ARID1A: variants seen among roughly 807,000 people sequenced by gnomAD.
The protein encoded by ARID1A is AT-rich interactive domain-containing protein 1A.
ARID1A carries 20 observed loss-of-function variants against 212.6 expected under a neutral mutation model. That is an observed-to-expected ratio of 0.09 (90% confidence interval 0.07 to 0.14). The LOEUF is 0.14. Among genes scored for constraint, ARID1A ranks in the 10% least tolerant of loss-of-function variants. The pLI is 1.00. For synonymous variants in ARID1A, 1,376 were observed against 1,222.1 expected, an observed-to-expected ratio of 1.13 and a Z score of -2.63; for missense variants, 2,587 against 3,059.0, an observed-to-expected ratio of 0.85 and a Z score of 3.64.
At chr1:26,748,666 A>G (rs2080858690) in intron 4 of ARID1A, among the ~76,000 whole-genome samples, 1 of 145,100 alleles carries the variant, frequency 6.9e-6, no homozygotes, top group Admixed American at 7.1e-5. Context: ...CCCTCAAAAC[A>G]CTTCATACAT....
At chr1:26,742,381 GTT>G (rs1198124483) in intron 4 of ARID1A, among the ~76,000 whole-genome samples, 2 of 152,168 alleles carry the variant, frequency 1.3e-5, no homozygotes, top group African/African-American at 2.4e-5. Flanking sequence ...GTTGACTAGA[GTT>G]TGGTTATTTG....
At chr1:26,755,663 G>GT (rs2080922100) in intron 4 of ARID1A, among the ~76,000 whole-genome samples, 1 of 152,052 alleles carries the variant, frequency 6.6e-6, no homozygotes, top group African/African-American at 2.4e-5. Context: ...GGTGAGCCTG[G>GT]TTTTTTAACT....
At chr1:26,727,786 GTC>G (rs1196238310) in intron 1 of ARID1A, 3 of 152,174 alleles carry the variant, frequency 2.0e-5, no homozygotes, top group Non-Finnish European at 4.4e-5. Flanking sequence ...CAACAAAATA[GTC>G]TCTCCAGTTG....
At chr1:26,702,711 C>T (rs1169158175) in intron 1 of ARID1A, among the ~76,000 whole-genome samples, 2 of 151,896 alleles carry the variant, frequency 1.3e-5, no homozygotes, top group Non-Finnish European at 2.9e-5. Flanking sequence ...TGCTGGGGGG[C>T]AGTGAGTGTG....
At position 26,779,769 on chromosome 1, in the gene ARID1A, C is replaced by T. The variant is rs761246391; in HGVS notation, c.5871C>T (p.Asp1957=). The change falls in exon 20 of 20, where the codon GAC becomes GAT. Residue 1957 remains aspartate, a synonymous_variant. Coordinates refer to ENST00000324856, the MANE Select transcript of ARID1A (RefSeq NM_006015.6). The stretch of plus-strand genomic sequence containing the variant: ...ACCGGAACATCAAGATCCTAGAGGA[C>T]GAACCCCACAGTAAGGATGAGACCC... ...QSHRNIKILE[D]EPHSKDETPL... is the part of the protein sequence containing the mutation. 20 of 1,614,004 alleles carry T rather than the reference C, an allele frequency of 1.2e-5. No homozygotes were observed. Among genetic ancestry groups the T allele is most frequent in the Non-Finnish European group, 1.5e-5 (18 of 1,180,032 alleles).
rs775743350 is a variant in ARID1A at position 26,780,422 on chromosome 1, C to G, written c.6524C>G (p.Ala2175Gly). 2 of 1,614,228 alleles carry G rather than the reference C, an allele frequency of 1.2e-6. No homozygotes were observed. The highest frequency in any genetic ancestry group is 1.7e-6 in the Non-Finnish European group (2 of 1,180,042). The part of the protein sequence containing the change: ...EMAVVLLANL[A>G]QGDSLAARAI... ...GCTGTGGTACTGCTGGCCAACCTGG[C>G]TCAGGGGGACAGCCTGGCAGCTCGT... The change falls in exon 20 of 20, where the codon GCT becomes GGT. Residue 2175 changes from alanine (A) to glycine (G), a missense_variant. This residue lies in a region of ARID1A where 168 missense variants were observed against 321.0 expected (regional missense o/e 0.52). Coordinates refer to ENST00000324856, the MANE Select transcript of ARID1A (RefSeq NM_006015.6). The surrounding 1 kb of genome is among the most constrained non-coding windows in gnomAD (Gnocchi z 7.2).
In ARID1A at chr1:26,762,258, C is replaced by T. The variant is rs148841858; in HGVS notation, c.2358C>T (p.Gly786=). The change falls in exon 7 of 20, where the codon GGC becomes GGT. Residue 786 remains glycine (G), a synonymous_variant. Transcript: ENST00000324856. The stretch of plus-strand genomic sequence containing the variant: ...GAGGACAGATACACACAGGCATGGG[C>T]TCCTACCAGCAGAACTCCATGGGGA... ...PSGGQIHTGM[G]SYQQNSMGSY... is the part of the protein sequence containing the mutation. The T allele has an allele frequency of 3.1e-6, 5 of 1,614,098 alleles. No homozygotes were observed. In the African/African-American group the frequency reaches 6.7e-5, roughly 22 times the overall value.
At chr1:26,747,649 C>T (rs1314351101) in intron 4 of ARID1A, among the ~76,000 whole-genome samples, 1 of 150,346 alleles carries the variant, frequency 6.7e-6, no homozygotes. Flanking sequence ...TGGAGACCAC[C>T]ACCCTGGGCA....
chr1:26,719,601 T>G (rs1172008991), intron 1 of ARID1A, among the ~76,000 whole-genome samples: 1 of 152,156 alleles, frequency 6.6e-6, no homozygotes, highest in Non-Finnish European at 1.5e-5. Context: ...GTGACTTGCT[T>G]AAAGTGGTGT....
In ARID1A at chr1:26,774,137, A is replaced by T; in HGVS notation, c.4102-192A>T. On this transcript the variant is annotated intron_variant, in intron 17 of 19. Transcript: ENST00000324856. This position sits in a 1 kb window ranked among gnomAD's most constrained non-coding sequence, Gnocchi z 5.6. Reference sequence around the variant, plus strand: ...TTAGGTTTTGTATATTTTTCTACTTAAGCAAGGGAAGGGAAGAAAGAGTGG... The same window carrying T: ...TTAGGTTTTGTATATTTTTCTACTTTAGCAAGGGAAGGGAAGAAAGAGTGG... 3 of 1,213,684 alleles carry T rather than the reference A, an allele frequency of 2.5e-6. No individual in the cohort carries two copies. Among genetic ancestry groups the T allele is most frequent in the Non-Finnish European group, 3.3e-6 (3 of 896,044 alleles). 75.2% of individuals were successfully genotyped at this position (1,213,684 alleles called of 1,614,324 possible).
At position 26,696,610 on chromosome 1, in the gene ARID1A, G is replaced by C. The variant is rs984346923; in HGVS notation, c.207G>C (p.Leu69=). 8.1e-7 allele frequency: 1 copy of C among 1,239,046 alleles called. No homozygotes were observed. Among genetic ancestry groups the C allele is most frequent in the African/African-American group, 1.6e-5 (1 of 63,852 alleles). 76.8% of individuals were successfully genotyped at this position (1,239,046 alleles called of 1,614,324 possible). Residue 69 remains leucine (L), a synonymous_variant, in exon 1 of 20, where the codon CTG becomes CTC. Coordinates refer to ENST00000324856, the MANE Select transcript of ARID1A (RefSeq NM_006015.6). ...EGPAVGPPQP[L]GKELQDGAES... is the part of the protein sequence containing the mutation. ...CCGCCGTGGGGCCGCCGCAGCCGCT[G>C]GGAAAGGAGCTGCAGGACGGGGCCG...
Position 26,761,411 on chromosome 1 carries a change from G to A in ARID1A, c.2189G>A (p.Ser730Asn), listed in dbSNP as rs2080990938. ...AACCAGATGCCACCTCGGCCACCCA[G>A]TGGCCAGTCGGACAGCATCATGCAT... ...PGNQMPPRPP[S>N]GQSDSIMHPS... The change falls in exon 6 of 20, where the codon AGT (serine) becomes AAT (asparagine). Residue 730 changes from serine to asparagine, a missense_variant. Transcript: ENST00000324856. 6.2e-7 allele frequency: 1 copy of A among 1,614,100 alleles called. No individual in the cohort carries two copies. The highest frequency in any genetic ancestry group is 8.5e-7 in the Non-Finnish European group (1 of 1,180,048).
chr1:26,750,419 C>G (rs994365763), intron 4 of ARID1A, among the ~76,000 whole-genome samples: 3 of 152,154 alleles, frequency 2.0e-5, no homozygotes, highest in African/African-American at 7.2e-5. Flanking sequence ...CTCAGTTGCC[C>G]TATTGTTGGA....
chr1:26,751,276 A>C (rs922542718), intron 4 of ARID1A, among the ~76,000 whole-genome samples: 10 of 151,906 alleles, frequency 6.6e-5, no homozygotes, highest in African/African-American at 2.2e-4. Context: ...ACAGGGGAAC[A>C]CATAGCATCA....
chr1:26,770,856 G>A, intron 11 of ARID1A: 1 of 468,954 alleles, frequency 2.1e-6, no homozygotes, highest in South Asian at 3.3e-5. Flanking sequence ...TCTGAATTCT[G>A]TTCCAGTAGT....
chr1:26,697,981 C>T (rs1215989513), intron 1 of ARID1A, among the ~76,000 whole-genome samples: 1 of 152,152 alleles, frequency 6.6e-6, no homozygotes, highest in Non-Finnish European at 1.5e-5. Flanking sequence ...TGGGCCGCCC[C>T]CCATCTGTGC....
intron 4 of ARID1A, among the ~76,000 whole-genome samples, chr1:26,740,564 G>A (rs1291335824): frequency 2.0e-5 from 3 of 152,184 alleles, no homozygotes; most frequent in Non-Finnish European, 1.5e-5. Flanking sequence ...CAGCTTCCAG[G>A]GGTGGGAAGT....
intron 4 of ARID1A, among the ~76,000 whole-genome samples, chr1:26,734,785 T>G (rs2080713530): frequency 6.6e-6 from 1 of 152,206 alleles, no homozygotes; most frequent in African/African-American, 2.4e-5. Context: ...TCTCCTTTCT[T>G]AACCAGTCGT....
intron 4 of ARID1A, among the ~76,000 whole-genome samples, chr1:26,749,890 G>A (rs2080869872): frequency 6.6e-6 from 1 of 152,218 alleles, no homozygotes; most frequent in Non-Finnish European, 1.5e-5. Flanking sequence ...TAGAATTCAG[G>A]TACTGGGGTA....
Sources: gnomAD v4.1 joint callset for allele counts (sites outside exome capture counted in the v4.1 genomes callset) on GRCh38, gnomAD v4.1.1 for gene constraint, gnomAD v4.1.1 regional missense constraint, Gnocchi (gnomAD v3.1) non-coding constraint, MANE v1.5 for transcripts, NCBI Gene and HGNC (gene_info 2026-07-23, HGNC 2026-07-21) for gene names.